HNRNPLL: variants seen among roughly 807,000 people sequenced by gnomAD.
HNRNPLL encodes heterogeneous nuclear ribonucleoprotein L-like.
HNRNPLL carries 25 observed loss-of-function variants against 67.1 expected under a neutral mutation model. The ratio of observed to expected loss-of-function variants is 0.37; its 90% confidence interval spans 0.27 to 0.52. The LOEUF (loss-of-function observed/expected upper bound fraction) is 0.52. Ranked by LOEUF, HNRNPLL falls within the 20% of genes least tolerant of loss-of-function variation. The pLI is 0.90. For missense variants in HNRNPLL, 542 were observed against 673.9 expected, an observed-to-expected ratio of 0.80 and a Z score of 2.17; for synonymous variants, 267 against 241.7, an observed-to-expected ratio of 1.10 and a Z score of -0.97.
At position 38,602,465 on chromosome 2, in the gene HNRNPLL, G is replaced by T. The variant is rs1274426580; in HGVS notation, c.162C>A (p.Gly54=). 6.5e-7 allele frequency: 1 copy of T among 1,539,084 alleles called. No individual in the cohort carries two copies. Among genetic ancestry groups the T allele is most frequent in the Non-Finnish European group, 8.7e-7 (1 of 1,147,196 alleles). The change falls in exon 1 of 13, where the codon GGC becomes GGA. Residue 54 remains glycine (G), a synonymous_variant. Coordinates refer to ENST00000449105, the MANE Select transcript of HNRNPLL (RefSeq NM_138394.4). ...EATPRGGGDG[G]GGGRSFSQPE... is the part of the protein sequence containing the mutation. ...GCTGAGAGAAGCTCCGGCCGCCGCC[G>T]CCGCCATCGCCCCCGCCCCGGGGCG...
At chr2:38,585,979 T>A in intron 2 of HNRNPLL, 98 bp from the exon 3 acceptor site, 3 of 801,848 alleles carry the variant, frequency 3.7e-6, no homozygotes, top group Non-Finnish European at 6.4e-6. Flanking sequence ...TAAAAATGTG[T>A]CAAATCCCAC....
intron 1 of HNRNPLL, 55 bp from the exon 2 acceptor site, chr2:38,591,703 C>T (rs1220075194): frequency 9.0e-6 from 10 of 1,115,660 alleles, no homozygotes; most frequent in Admixed American, 1.8e-5. Flanking sequence ...AGGCCGAACG[C>T]GGTGGCTCAC....
In HNRNPLL at chr2:38,564,060, A is replaced by T; in HGVS notation, c.*122T>A. 1 of 694,052 alleles carries T rather than the reference A, an allele frequency of 1.4e-6. No homozygotes were observed. The allele number at this position is 694,052 out of a possible 1,614,324, so 43.0% of individuals were successfully genotyped here. ...ACTCAAGGCAAAATATGTTTATTAC[A>T]GAACAGGATCTTAAAGTAAGCAAGG... is the stretch of plus-strand genomic sequence containing the variant. On this transcript the variant is annotated 3_prime_UTR_variant, in exon 13 of 13. Coordinates refer to ENST00000449105, the MANE Select transcript of HNRNPLL (RefSeq NM_138394.4).
intron 4 of HNRNPLL, among the ~76,000 whole-genome samples, chr2:38,582,804 C>T (rs943470615): frequency 6.6e-6 from 1 of 151,648 alleles, no homozygotes; most frequent in Non-Finnish European, 1.5e-5. Context: ...CCTGTCATCC[C>T]AGCTACTTGG....
At chr2:38,598,050 G>C (rs953663239) in intron 1 of HNRNPLL, among the ~76,000 whole-genome samples, 3 of 150,648 alleles carry the variant, frequency 2.0e-5, no homozygotes, top group East Asian at 1.9e-4. Flanking sequence ...GAAATCATTT[G>C]GTTTTGCCTA....
chr2:38,580,954 A>G (rs1558536810), intron 6 of HNRNPLL: 2 of 152,214 alleles, frequency 1.3e-5, no homozygotes, highest in African/African-American at 2.4e-5. Context: ...CAAAAATCAA[A>G]CCACACAGAA....
rs185242416 is a variant in HNRNPLL at position 38,598,123 on chromosome 2, G to A, written c.189+4315C>T. ...CATAAAAACAAAACAAAACAACTCC[G>A]TATTATTATTATACATTGGTATTTT... On this transcript the variant is annotated intron_variant, in intron 1 of 12. Transcript: ENST00000449105. 4.0e-5 allele frequency among the ~76,000 whole-genome samples: 6 copies of A among 151,614 alleles called. No homozygotes were observed. The East Asian group carries it at 5.8e-4, about 15-fold the overall frequency.
chr2:38,592,384 G>C (rs538828046), intron 1 of HNRNPLL, among the ~76,000 whole-genome samples: 1 of 152,148 alleles, frequency 6.6e-6, no homozygotes, highest in East Asian at 1.9e-4. Flanking sequence ...CTGTAACGTA[G>C]TAGATTTGTA....
At chr2:38,580,187 A>G (rs894313451) in intron 6 of HNRNPLL, among the ~76,000 whole-genome samples, 1 of 152,196 alleles carries the variant, frequency 6.6e-6, no homozygotes, top group Admixed American at 6.5e-5. Context: ...CGAGTGGTCA[A>G]TAACTGTAAA....
intron 2 of HNRNPLL, among the ~76,000 whole-genome samples, chr2:38,586,226 T>C (rs1666726339): frequency 2.0e-5 from 3 of 152,172 alleles, no homozygotes; most frequent in African/African-American, 4.8e-5. Flanking sequence ...TTTCCCCGTG[T>C]TAGCCAGGAT....
In HNRNPLL at chr2:38,567,937, T is replaced by C. The variant is rs111475285; in HGVS notation, c.1573+262A>G. 1.2e-3 allele frequency: 379 copies of C among 306,316 alleles called. 2 individuals carry two copies. The highest frequency in any genetic ancestry group is 7.6e-3 in the African/African-American group (341 of 45,090). 19.0% of individuals were successfully genotyped at this position (306,316 alleles called of 1,614,324 possible). On this transcript the variant is annotated intron_variant, in intron 12 of 12. Coordinates refer to ENST00000449105, the MANE Select transcript of HNRNPLL (RefSeq NM_138394.4). The stretch of plus-strand genomic sequence containing the variant: ...CTTCATGGGAGATCCTAAGCCCGAA[T>C]TGCCCAGCTGAAATGCACCCAAAAT...
intron 1 of HNRNPLL, among the ~76,000 whole-genome samples, chr2:38,601,230 T>C (rs901206242): frequency 6.6e-6 from 1 of 152,344 alleles, no homozygotes; most frequent in South Asian, 2.1e-4. Flanking sequence ...GTTCCTTTTT[T>C]AAATGTGTTG....
intron 12 of HNRNPLL, among the ~76,000 whole-genome samples, chr2:38,565,381 A>T (rs1478980320): frequency 6.6e-6 from 1 of 152,160 alleles, no homozygotes; most frequent in Non-Finnish European, 1.5e-5. Flanking sequence ...CTACTTAATA[A>T]AATTTCCTTT....
intron 1 of HNRNPLL, among the ~76,000 whole-genome samples, chr2:38,597,231 C>T (rs1193453762): frequency 1.3e-5 from 2 of 152,098 alleles, no homozygotes; most frequent in Admixed American, 6.6e-5. Flanking sequence ...TTTCAATTAC[C>T]GATATTTGTA....
chr2:38,567,835 G>A (rs1665929454), intron 12 of HNRNPLL, among the ~76,000 whole-genome samples: 1 of 152,160 alleles, frequency 6.6e-6, no homozygotes, highest in South Asian at 2.1e-4. Flanking sequence ...AACCATATGA[G>A]TGCGCCTGGG....
rs542742918 is a variant in HNRNPLL at position 38,569,136 on chromosome 2, T to C, written c.1413A>G (p.Thr471=). The C allele has an allele frequency of 9.3e-5, 148 of 1,595,530 alleles. No individual in the cohort carries two copies. The Middle Eastern group carries it at 1.0e-3, about 11-fold the overall frequency. ...VPLCVTEETF[T]KLCNDHEVLT... Reference sequence around the variant, plus strand: ...ACATTTGTATTTCAGTGCCTACCTTTGTGAAGGTCTCTTCTGTGACACACA... The same window carrying C: ...ACATTTGTATTTCAGTGCCTACCTTCGTGAAGGTCTCTTCTGTGACACACA... The change falls in exon 10 of 13, where the codon ACA becomes ACG. Residue 471 remains threonine (T), a synonymous_variant. Coordinates refer to ENST00000449105, the MANE Select transcript of HNRNPLL (RefSeq NM_138394.4).
At chr2:38,570,013 A>T (rs1666007533) in intron 8 of HNRNPLL, 88 bp from the exon 9 acceptor site, 1 of 854,158 alleles carries the variant, frequency 1.2e-6, no homozygotes, top group Non-Finnish European at 1.8e-6. Context: ...CTAAGTGGTT[A>T]AAGTAAAATA....
intron 12 of HNRNPLL, among the ~76,000 whole-genome samples, chr2:38,565,499 A>G (rs981500009): frequency 6.6e-6 from 1 of 152,130 alleles, no homozygotes; most frequent in Non-Finnish European, 1.5e-5. Flanking sequence ...TGAGGCCAGG[A>G]GTTCAAGACC....
At position 38,569,455 on chromosome 2, in the gene HNRNPLL, G is replaced by C. The variant is rs1048284364; in HGVS notation, c.1215-121C>G. ...TTAACCAAAAAAAGGCATACATAGA[G>C]CTATTTAAATAGAGGATTTAGTTTG... On this transcript the variant is annotated intron_variant, in intron 9 of 12. Coordinates refer to ENST00000449105, the MANE Select transcript of HNRNPLL (RefSeq NM_138394.4). The C allele has an allele frequency of 4.6e-6, 3 of 653,434 alleles. No homozygotes were observed. In the African/African-American group the frequency reaches 5.5e-5, roughly 12 times the overall value. The allele number at this position is 653,434 out of a possible 1,614,324, so 40.5% of individuals were successfully genotyped here. A position where few individuals can be genotyped will look rare whatever the true frequency, so the allele number is the denominator to read the frequency against.
Sources: allele counts gnomAD v4.1 joint callset (sites outside exome capture counted in the v4.1 genomes callset), GRCh38; gene constraint gnomAD v4.1.1; transcripts MANE v1.5; gene names NCBI Gene and HGNC (gene_info 2026-07-23, HGNC 2026-07-21).